MAP2K5: variants seen among roughly 807,000 people sequenced by gnomAD.
The protein encoded by MAP2K5 is dual specificity mitogen-activated protein kinase kinase 5.
A neutral mutation model predicts 83.1 loss-of-function variants in MAP2K5; 49 were observed. That is an observed-to-expected ratio of 0.59 (90% CI 0.47 to 0.75). The LOEUF (loss-of-function observed/expected upper bound fraction) is 0.75, where lower values mean the gene tolerates loss of function less well. MAP2K5 is among the 30% of genes least tolerant of loss of function. MAP2K5 has a pLI of 0.00. For synonymous variants in MAP2K5, 202 were observed against 191.8 expected (o/e 1.05, Z -0.44); for missense variants, 457 against 557.5 (o/e 0.82, Z 1.82).
chr15:67,602,666 GGTTT>G (rs1395756882), intron 8 of MAP2K5, among the ~76,000 whole-genome samples: 2 of 152,130 alleles, frequency 1.3e-5, no homozygotes, highest in East Asian at 1.9e-4. Context: ...TTTGTTGGTT[GGTTT>G]GTTTATTTTG....
intron 8 of MAP2K5, among the ~76,000 whole-genome samples, chr15:67,615,588 C>T (rs2086037512): frequency 6.6e-6 from 1 of 152,004 alleles, no homozygotes; most frequent in African/African-American, 2.4e-5. Context: ...AATTTCGAAG[C>T]TTGGCCATTA....
intron 16 of MAP2K5, among the ~76,000 whole-genome samples, chr15:67,714,021 T>G (rs1325989533): frequency 6.6e-6 from 1 of 152,192 alleles, no homozygotes; most frequent in Non-Finnish European, 1.5e-5. Flanking sequence ...AACATTAGAA[T>G]TCATTCATTC....
chr15:67,629,358 A>G (rs1386579603), intron 8 of MAP2K5, among the ~76,000 whole-genome samples: 1 of 150,472 alleles, frequency 6.6e-6, no homozygotes, highest in Admixed American at 6.7e-5. Context: ...TGTTCCATGG[A>G]AAGTTTAAAG....
chr15:67,613,894 G>A (rs1025510831), intron 8 of MAP2K5, among the ~76,000 whole-genome samples: 3 of 151,790 alleles, frequency 2.0e-5, no homozygotes, highest in African/African-American at 7.3e-5. Context: ...TGACCCACTA[G>A]GGTACTATTT....
chr15:67,596,864 A>G (rs1218988862), intron 7 of MAP2K5, among the ~76,000 whole-genome samples: 1 of 152,134 alleles, frequency 6.6e-6, no homozygotes, highest in Non-Finnish European at 1.5e-5. Context: ...AGGAACCTGG[A>G]CTGTATTTAA....
intron 15 of MAP2K5, 45 bp from the exon 16 acceptor site, chr15:67,703,292 G>C (rs778989222): frequency 7.0e-7 from 1 of 1,427,224 alleles, no homozygotes; most frequent in Admixed American, 1.7e-5. Context: ...GTGTTTTCCT[G>C]AGTAGCATCC....
At chr15:67,716,034 C>T (rs987227877) in intron 16 of MAP2K5, among the ~76,000 whole-genome samples, 2 of 152,182 alleles carry the variant, frequency 1.3e-5, no homozygotes, top group African/African-American at 4.8e-5. Context: ...TTTGGTCACT[C>T]AGCAAATATT....
At chr15:67,718,678 C>T (rs1388308039) in intron 16 of MAP2K5, among the ~76,000 whole-genome samples, 3 of 152,072 alleles carry the variant, frequency 2.0e-5, no homozygotes, top group Non-Finnish European at 2.9e-5. Flanking sequence ...GCAGGAGAAT[C>T]GCTTGAACCT....
intron 13 of MAP2K5, among the ~76,000 whole-genome samples, chr15:67,678,482 G>A (rs978228162): frequency 1.3e-5 from 2 of 152,212 alleles, no homozygotes; most frequent in African/African-American, 4.8e-5. Flanking sequence ...AGTGAGACAT[G>A]TAAAAGTTCA....
In MAP2K5 at chr15:67,720,029, G is replaced by A. The variant is rs1466263528; in HGVS notation, c.1045-7887G>A. 6.6e-6 allele frequency among the ~76,000 whole-genome samples: 1 copy of A among 152,084 alleles called. No homozygotes were observed. Among genetic ancestry groups the A allele is most frequent in the Admixed American group, 6.6e-5 (1 of 15,264 alleles). ...AGAGCTGTTGATGGAAATCAACATG[G>A]AACGGTTAAAGTGTCTGTAAAGCTA... On this transcript the variant is annotated intron_variant, in intron 16 of 21. Coordinates refer to ENST00000178640, the MANE Select transcript of MAP2K5 (RefSeq NM_145160.3). This position sits in a 1 kb window ranked among gnomAD's most constrained non-coding sequence, Gnocchi z 5.7.
rs539091384 is a variant in MAP2K5, at chr15:67,579,269, C to T, written c.253-1485C>T. 7.9e-5 allele frequency among the ~76,000 whole-genome samples: 12 copies of T among 152,178 alleles called. No homozygotes were observed. In the South Asian group the frequency reaches 2.1e-3, roughly 26 times the overall value. On this transcript the variant is annotated intron_variant, in intron 3 of 21. Coordinates refer to ENST00000178640, the MANE Select transcript of MAP2K5 (RefSeq NM_145160.3). Reference sequence around the variant, plus strand: ...ATGGAAACCTCAAATACTTGTGTGCCGAGGACAAGTCATTTTCGGACAATT... The same window carrying T: ...ATGGAAACCTCAAATACTTGTGTGCTGAGGACAAGTCATTTTCGGACAATT...
rs1292265843 is a variant in MAP2K5, at chr15:67,768,207, A to G, written c.1135-1395A>G. On this transcript the variant is annotated intron_variant, in intron 19 of 21. Transcript: ENST00000178640. This position sits in a 1 kb window ranked among gnomAD's most constrained non-coding sequence, Gnocchi z 4.0. ...AGTTCTAGTTAATTTTCTGTCTTGTAATTACCGATCTCATTTTTCTGATAA... is the reference window on the plus strand; with the variant it reads ...AGTTCTAGTTAATTTTCTGTCTTGTGATTACCGATCTCATTTTTCTGATAA... Among the ~76,000 whole-genome samples the G allele has an allele frequency of 6.6e-6, 1 of 152,174 alleles. No individual in the cohort carries two copies. The highest frequency in any genetic ancestry group is 1.5e-5 in the Non-Finnish European group (1 of 68,036).
At chr15:67,673,707 A>G (rs919771148) in intron 13 of MAP2K5, among the ~76,000 whole-genome samples, 4 of 152,216 alleles carry the variant, frequency 2.6e-5, no homozygotes, top group African/African-American at 9.6e-5. Context: ...TTAATGATTT[A>G]TTAAAAGATA....
At position 67,738,562 on chromosome 15, in the gene MAP2K5, T is replaced by C. The variant is rs2089397439; in HGVS notation, c.1075-9669T>C. 6.6e-6 allele frequency among the ~76,000 whole-genome samples: 1 copy of C among 152,342 alleles called. No homozygotes were observed. The highest frequency in any genetic ancestry group is 2.1e-4 in the South Asian group (1 of 4,830). On this transcript the variant is annotated intron_variant, in intron 17 of 21. Transcript: ENST00000178640. This position sits in a 1 kb window ranked among gnomAD's most constrained non-coding sequence, Gnocchi z 4.1. ...GAGTTCTGGTCTTGGCTTTTCTTAT[T>C]AGTTGCTTGACCTTCTTTCTTTTTG...
intron 9 of MAP2K5, among the ~76,000 whole-genome samples, chr15:67,643,430 T>A (rs1214222473): frequency 6.6e-6 from 1 of 152,124 alleles, no homozygotes; most frequent in Non-Finnish European, 1.5e-5. Context: ...TGAGATCTTA[T>A]AAATAACCCC....
chr15:67,549,334 T>C, intron 1 of MAP2K5: 1 of 777,676 alleles, frequency 1.3e-6, no homozygotes, highest in Non-Finnish European at 2.1e-6. Context: ...TGTTGTAGGC[T>C]AGATTAACTT....
intron 11 of MAP2K5, among the ~76,000 whole-genome samples, chr15:67,646,776 A>T (rs2086841169): frequency 6.6e-6 from 1 of 152,186 alleles, no homozygotes; most frequent in Non-Finnish European, 1.5e-5. Context: ...TGCAAAACAG[A>T]TGTTCTGTTC....
chr15:67,549,066 G>C (rs1470872300), intron 1 of MAP2K5: 9 of 1,524,660 alleles, frequency 5.9e-6, no homozygotes, highest in African/African-American at 2.8e-5. Flanking sequence ...GAAATACTGC[G>C]AGCGGCTTTG....
intron 21 of MAP2K5, among the ~76,000 whole-genome samples, chr15:67,799,722 G>T (rs964599297): frequency 6.6e-6 from 1 of 152,250 alleles, no homozygotes; most frequent in Non-Finnish European, 1.5e-5. Context: ...GATCTGCCCA[G>T]TGGGCCCACC....
Sources: allele counts gnomAD v4.1 joint callset (sites outside exome capture counted in the v4.1 genomes callset), GRCh38; gene constraint gnomAD v4.1.1; non-coding constraint Gnocchi (gnomAD v3.1); transcripts MANE v1.5; gene names NCBI Gene and HGNC (gene_info 2026-07-23, HGNC 2026-07-21).